Variants in NF1 observed in about 807,000 individuals in gnomAD.
NF1 encodes the protein neurofibromin.
In NF1, 122 loss-of-function variants were observed where a neutral mutation model predicts 325.7. The observed-to-expected ratio is 0.37, with a 90% CI of 0.32 to 0.44. The LOEUF (loss-of-function observed/expected upper bound fraction) is 0.44, where lower values mean the gene tolerates loss of function less well. Among genes scored for constraint, NF1 ranks in the 20% least tolerant of loss-of-function variants. The pLI, the probability that NF1 is intolerant of heterozygous loss-of-function variation, is 1.00. For missense variants in NF1, 2,140 were observed against 3,415.4 expected, an observed-to-expected ratio of 0.63 and a Z score of 9.31; for synonymous variants, 1,091 against 1,186.0, an observed-to-expected ratio of 0.92 and a Z score of 1.65.
intron 15 of NF1, chr17:31,222,321 C>G (rs1257166292): frequency 1.9e-6 from 2 of 1,041,434 alleles, no homozygotes; most frequent in Middle Eastern, 4.4e-4. Flanking sequence ...CATAAACTTT[C>G]TGTAATACCA....
intron 48 of NF1, chr17:31,345,685 A>C (rs2069957920): frequency 6.2e-7 from 1 of 1,614,234 alleles, no homozygotes; most frequent in Non-Finnish European, 8.5e-7. Flanking sequence ...ATGGCAAAGC[A>C]GTATATAGAG....
intron 36 of NF1, among the ~76,000 whole-genome samples, chr17:31,317,269 T>TG (rs895043832): frequency 9.9e-5 from 15 of 151,780 alleles, no homozygotes; most frequent in African/African-American, 2.9e-4. Flanking sequence ...TAATTGAAGA[T>TG]GGGGGGGTTC....
At chr17:31,186,985 A>G (rs1356085644) in intron 8 of NF1, among the ~76,000 whole-genome samples, 4 of 152,204 alleles carry the variant, frequency 2.6e-5, no homozygotes, top group Non-Finnish European at 5.9e-5. Context: ...CATCACGGAA[A>G]GGGCAGAGAT....
At chr17:31,270,344 C>G (rs963786524) in intron 36 of NF1, among the ~76,000 whole-genome samples, 1 of 152,120 alleles carries the variant, frequency 6.6e-6, no homozygotes, top group African/African-American at 2.4e-5. Context: ...CAAGGTGGCT[C>G]ACACCTGTAA....
chr17:31,225,120 T>G lies in NF1; in HGVS notation c.1871T>G (p.Phe624Cys). Reference protein sequence around the residue: ...NKQADRSSCHFLLFYGVGCDI... With the variant: ...NKQADRSSCHCLLFYGVGCDI... The stretch of plus-strand genomic sequence containing the variant: ...CAGGCAGATAGAAGTTCCTGTCACT[T>G]TCTCCTTTTTTACGGGGTAGGATGT... The change falls in exon 17 of 58, where the codon TTT becomes TGT. Residue 624 changes from phenylalanine (F) to cysteine (C), a missense_variant. Physicochemically the swap from Phe to Cys is radical, Grantham distance 205 (BLOSUM62 -2). Around this residue, in one of 10 missense-constraint regions of NF1, gnomAD observed 45 missense variants for 42.5 expected, o/e 1.06. Transcript: ENST00000358273. The G allele has an allele frequency of 1.2e-6, 2 of 1,613,718 alleles. No homozygotes were observed. Among genetic ancestry groups the G allele is most frequent in the Non-Finnish European group, 1.7e-6 (2 of 1,179,728 alleles).
intron 50 of NF1, 107 bp downstream of exon 50, chr17:31,350,425 C>T: frequency 2.2e-6 from 2 of 922,812 alleles, no homozygotes; most frequent in East Asian, 4.8e-5. Context: ...TGGGAGAAAT[C>T]TAGAGATGGC....
intron 12 of NF1, among the ~76,000 whole-genome samples, chr17:31,210,994 T>C (rs1597694663): frequency 1.3e-5 from 2 of 152,222 alleles, no homozygotes; most frequent in Admixed American, 1.3e-4. Context: ...AACAGATATA[T>C]GAATTTTCAC....
chr17:31,324,972 T>A (rs1331284939), intron 36 of NF1, among the ~76,000 whole-genome samples: 1 of 152,246 alleles, frequency 6.6e-6, no homozygotes, highest in Non-Finnish European at 1.5e-5. Flanking sequence ...TGGGCCTAAG[T>A]TAACATAGAT....
intron 29 of NF1, among the ~76,000 whole-genome samples, chr17:31,243,390 T>C (rs1204473612): frequency 6.6e-6 from 1 of 151,316 alleles, no homozygotes; most frequent in Non-Finnish European, 1.5e-5. Flanking sequence ...GCTTGCGTCC[T>C]TTCGTTCAGG....
Position 31,305,778 on chromosome 17 carries a change from T to C in NF1, c.4836-20042T>C, listed in dbSNP as rs1325092279. The stretch of plus-strand genomic sequence containing the variant: ...GTTGATTAGTAGTTATTATTCCTAA[T>C]TTAGACTTGATACACTGTAGGTTTG... On this transcript the variant is annotated intron_variant, in intron 36 of 57. Coordinates refer to ENST00000358273, the MANE Select transcript of NF1 (RefSeq NM_001042492.3). 9 of 712,652 alleles carry C rather than the reference T, an allele frequency of 1.3e-5. 1 individual carries two copies. In the South Asian group the frequency reaches 1.8e-4, roughly 14 times the overall value. The allele number at this position is 712,652 out of a possible 1,614,324, so 44.1% of individuals were successfully genotyped here. A position where few individuals can be genotyped will look rare whatever the true frequency, so the allele number is the denominator to read the frequency against.
intron 36 of NF1, chr17:31,304,551 G>T: frequency 6.2e-7 from 1 of 1,614,164 alleles, no homozygotes; most frequent in African/African-American, 1.3e-5. Context: ...TGTCAGATTG[G>T]TTACTTTCCT....
chr17:31,152,559 A>T (rs1597621784), intron 1 of NF1, among the ~76,000 whole-genome samples: 1 of 141,050 alleles, frequency 7.1e-6, no homozygotes, highest in African/African-American at 2.7e-5. Flanking sequence ...TTTTTTCAAC[A>T]TTTGTTTACT....
chr17:31,268,917 G>C (rs562771804), intron 36 of NF1, among the ~76,000 whole-genome samples: 2 of 151,764 alleles, frequency 1.3e-5, no homozygotes, highest in East Asian at 1.9e-4. Context: ...TGTTGCGCAG[G>C]CTGGGCTTGA....
intron 47 of NF1, among the ~76,000 whole-genome samples, chr17:31,341,617 GTGTACACACATAAAATAT>G (rs1194380353): frequency 2.6e-4 from 38 of 148,376 alleles, no homozygotes; most frequent in Admixed American, 2.1e-3. Context: ...GTGTGTGTGT[GTGTACACACATAAAATAT>G]GTAAAATCCA....
chr17:31,236,406 T>A (rs2067204647), intron 29 of NF1, among the ~76,000 whole-genome samples: 1 of 152,244 alleles, frequency 6.6e-6, no homozygotes, highest in African/African-American at 2.4e-5. Context: ...GGAAAGAGGC[T>A]AATAGGTAAT....
rs200624632 is a variant in NF1, at chr17:31,168,933, A to G, written c.480-958A>G. Among the ~76,000 whole-genome samples the G allele has an allele frequency of 2.2e-4, 33 of 152,010 alleles. No homozygotes were observed. In the East Asian group the frequency reaches 6.4e-3, roughly 29 times the overall value. On this transcript the variant is annotated intron_variant, in intron 4 of 57. Coordinates refer to ENST00000358273, the MANE Select transcript of NF1 (RefSeq NM_001042492.3). ...GACTTCTATGAAAGATTTTTGCTTC[A>G]TTGTGTGTTTAGTTATCTTGCAATA...
intron 36 of NF1, among the ~76,000 whole-genome samples, chr17:31,325,005 A>G (rs1467736116): frequency 6.6e-6 from 1 of 152,244 alleles, no homozygotes; most frequent in Non-Finnish European, 1.5e-5. Flanking sequence ...AAACTTTGGT[A>G]CCATTACTTC....
At chr17:31,172,825 G>A (rs1415328900) in intron 5 of NF1, among the ~76,000 whole-genome samples, 5 of 152,222 alleles carry the variant, frequency 3.3e-5, no homozygotes, top group South Asian at 2.1e-4. Flanking sequence ...TTTTATTTTA[G>A]ATATACCCCT....
chr17:31,250,561 T>G (rs1388379451), intron 30 of NF1: 1 of 200,556 alleles, frequency 5.0e-6, no homozygotes, highest in Non-Finnish European at 1.0e-5. Flanking sequence ...TTTCTTCATG[T>G]GGTTGTCATC....
Sources: allele counts gnomAD v4.1 joint callset (sites outside exome capture counted in the v4.1 genomes callset), GRCh38; gene constraint gnomAD v4.1.1; regional missense constraint gnomAD v4.1.1; transcripts MANE v1.5; gene names NCBI Gene and HGNC (gene_info 2026-07-23, HGNC 2026-07-21).